The following AKIRIN2 variants were observed in gnomAD, a reference collection of about 807,000 sequenced individuals.
AKIRIN2 encodes akirin 2.
A neutral mutation model predicts 29.3 loss-of-function variants in AKIRIN2; 6 were observed. The observed-to-expected ratio is 0.20, with a 90% CI of 0.11 to 0.40. The LOEUF (loss-of-function observed/expected upper bound fraction) is 0.40, where lower values mean the gene tolerates loss of function less well. Among genes scored for constraint, AKIRIN2 ranks in the 10% least tolerant of loss-of-function variants. The pLI is 1.00. For synonymous variants in AKIRIN2, 128 were observed against 117.5 expected (o/e 1.09, Z -0.58); for missense variants, 210 against 276.1 (o/e 0.76, Z 1.70).
intron 3 of AKIRIN2, among the ~76,000 whole-genome samples, chr6:87,676,136 A>T (rs1174081926): frequency 6.7e-6 from 1 of 149,612 alleles, no homozygotes; most frequent in Non-Finnish European, 1.5e-5. Flanking sequence ...ACATGACCTG[A>T]CATAAAGGCT....
chr6:87,693,307 TA>T (rs11428022), intron 1 of AKIRIN2, among the ~76,000 whole-genome samples: 5 of 151,438 alleles, frequency 3.3e-5, no homozygotes, highest in African/African-American at 1.2e-4. Context: ...TGACTAGCTA[TA>T]AAAAAAAATT....
intron 3 of AKIRIN2, among the ~76,000 whole-genome samples, chr6:87,676,308 C>CA (rs1212563993): frequency 2.7e-5 from 4 of 149,794 alleles, no homozygotes; most frequent in Non-Finnish European, 4.4e-5. Flanking sequence ...ACTAAAAATA[C>CA]AAAAAAATTA....
chr6:87,699,400 A>T (rs1026540563), intron 1 of AKIRIN2, among the ~76,000 whole-genome samples: 2 of 152,026 alleles, frequency 1.3e-5, no homozygotes, highest in Non-Finnish European at 2.9e-5. Flanking sequence ...TCAAAATTTC[A>T]ATTTCAACTT....
intron 3 of AKIRIN2, among the ~76,000 whole-genome samples, chr6:87,677,489 T>C (rs1008837031): frequency 2.6e-5 from 4 of 152,196 alleles, no homozygotes; most frequent in Non-Finnish European, 5.9e-5. Flanking sequence ...CAATTAGATA[T>C]TTTAAATGTC....
At chr6:87,675,960 T>C in intron 3 of AKIRIN2, 29 bp from the exon 4 acceptor site, 1 of 1,577,966 alleles carries the variant, frequency 6.3e-7, no homozygotes, top group Non-Finnish European at 8.6e-7. Context: ...GTCAATTACA[T>C]TTGTAAAATG....
intron 1 of AKIRIN2, among the ~76,000 whole-genome samples, chr6:87,695,025 C>T (rs1771336301): frequency 6.6e-6 from 1 of 152,124 alleles, no homozygotes; most frequent in Non-Finnish European, 1.5e-5. Context: ...ACAAATAATT[C>T]AATTTCTTTG....
At chr6:87,679,298 C>T (rs1044354837) in intron 2 of AKIRIN2, among the ~76,000 whole-genome samples, 6 of 152,000 alleles carry the variant, frequency 3.9e-5, no homozygotes, top group African/African-American at 1.2e-4. Context: ...TCTGGGAGGC[C>T]GAAGCAGGTG....
intron 1 of AKIRIN2, among the ~76,000 whole-genome samples, chr6:87,685,429 G>A (rs2754257): frequency 0.058 from 8,766 of 152,220 alleles, 280 homozygotes; most frequent in East Asian, 0.095. Context: ...TCAAGTACTT[G>A]CCTACTTAGT....
At position 87,676,432 on chromosome 6, in the gene AKIRIN2, C is replaced by G. The variant is rs556404800; in HGVS notation, c.530-501G>C. 2.2e-4 allele frequency among the ~76,000 whole-genome samples: 25 copies of G among 113,268 alleles called. No homozygotes were observed. The East Asian group carries it at 5.8e-3, about 26-fold the overall frequency. The allele number at this position is 113,268 out of a possible 152,430, so 74.3% of individuals were successfully genotyped here. A position where few individuals can be genotyped will look rare whatever the true frequency, so the allele number is the denominator to read the frequency against. ...AGTGAGCCAAGAACGCGCCACTGCACTCCAGCCTGGGCAACAAAAAAAAAA... is the reference window on the plus strand; with the variant it reads ...AGTGAGCCAAGAACGCGCCACTGCAGTCCAGCCTGGGCAACAAAAAAAAAA... On this transcript the variant is annotated intron_variant, in intron 3 of 4. Coordinates refer to ENST00000257787, the MANE Select transcript of AKIRIN2 (RefSeq NM_018064.4).
At chr6:87,697,306 A>AG (rs1403554514) in intron 1 of AKIRIN2, among the ~76,000 whole-genome samples, 3 of 148,220 alleles carry the variant, frequency 2.0e-5, no homozygotes, top group Admixed American at 6.7e-5. Flanking sequence ...CTTTGTCTCA[A>AG]GAAAAAAAAA....
At chr6:87,682,103 A>G (rs1771130066) in intron 1 of AKIRIN2, among the ~76,000 whole-genome samples, 2 of 152,244 alleles carry the variant, frequency 1.3e-5, no homozygotes, top group South Asian at 2.1e-4. Context: ...TCATTTATTC[A>G]TCACATAGAA....
In AKIRIN2 at chr6:87,702,047, G is replaced by A. The variant is rs969322240; in HGVS notation, c.-363C>T. 5.0e-6 allele frequency: 2 copies of A among 402,300 alleles called. No homozygotes were observed. The highest frequency in any genetic ancestry group is 2.1e-5 in the African/African-American group (1 of 48,662). 24.9% of individuals were successfully genotyped at this position (402,300 alleles called of 1,614,324 possible). The stretch of plus-strand genomic sequence containing the variant: ...GCCGCGCCTGAGGCGCTTCTGTGCT[G>A]AGACTAGATCCTTTCTGAAGTCGAA... On this transcript the variant is annotated 5_prime_UTR_variant, in exon 1 of 5. Transcript: ENST00000257787.
intron 1 of AKIRIN2, among the ~76,000 whole-genome samples, chr6:87,691,859 A>C (rs1374304176): frequency 6.6e-6 from 1 of 152,274 alleles, no homozygotes; most frequent in Non-Finnish European, 1.5e-5. Context: ...AAATGGAAGC[A>C]AACAGACTAT....
intron 1 of AKIRIN2, among the ~76,000 whole-genome samples, chr6:87,688,098 C>T (rs1309054497): frequency 1.3e-5 from 2 of 152,154 alleles, no homozygotes; most frequent in Admixed American, 6.5e-5. Context: ...CGCCACTGCA[C>T]TCCAGCCTAG....
chr6:87,701,736 G>T lies in AKIRIN2; in HGVS notation c.-52C>A. On this transcript the variant is annotated 5_prime_UTR_variant, in exon 1 of 5. Transcript: ENST00000257787. ...TCGGGTGGGGTCGGGGACGGGTGACGAAAGAAGAGGGTGAGGGAAGGGGTG... is the reference window on the plus strand; with the variant it reads ...TCGGGTGGGGTCGGGGACGGGTGACTAAAGAAGAGGGTGAGGGAAGGGGTG... The T allele has an allele frequency of 7.8e-7, 1 of 1,286,128 alleles. No homozygotes were observed. The allele number at this position is 1,286,128 out of a possible 1,614,324, so 79.7% of individuals were successfully genotyped here. A position where few individuals can be genotyped will look rare whatever the true frequency, so the allele number is the denominator to read the frequency against.
At chr6:87,691,440 TAA>T (rs34981397) in intron 1 of AKIRIN2, among the ~76,000 whole-genome samples, 1,246 of 84,732 alleles carry the variant, frequency 0.015, 24 homozygotes, top group African/African-American at 0.047. Flanking sequence ...AACCTCATCT[TAA>T]AAAAAAAAAA....
intron 1 of AKIRIN2, among the ~76,000 whole-genome samples, chr6:87,687,630 T>G (rs1017999017): frequency 6.6e-5 from 10 of 152,240 alleles, no homozygotes; most frequent in Non-Finnish European, 8.8e-5. Flanking sequence ...CATTTTAAAT[T>G]CACTTTAAAA....
intron 2 of AKIRIN2, among the ~76,000 whole-genome samples, chr6:87,678,412 G>A (rs1771061981): frequency 6.6e-6 from 1 of 151,650 alleles, no homozygotes; most frequent in African/African-American, 2.4e-5. Context: ...TGAGGCAGGA[G>A]AATCACTTGA....
intron 3 of AKIRIN2, among the ~76,000 whole-genome samples, chr6:87,676,596 A>AACACACACACACACACACAC (rs112353955): frequency 0.026 from 3,749 of 141,994 alleles, 70 homozygotes; most frequent in Non-Finnish European, 0.037. Context: ...CTCTACTAAA[A>AACACACACACACACACACAC]ACACACACAC....
Sources: allele counts gnomAD v4.1 joint callset (sites outside exome capture counted in the v4.1 genomes callset), GRCh38; gene constraint gnomAD v4.1.1; transcripts MANE v1.5; gene names NCBI Gene and HGNC (gene_info 2026-07-23, HGNC 2026-07-21).